The following IPO13 variants were observed in gnomAD, a reference collection of about 807,000 sequenced individuals.
IPO13 encodes importin-13.
A neutral mutation model predicts 115.5 loss-of-function variants in IPO13; 28 were observed. That is an observed-to-expected ratio of 0.24 (90% CI 0.18 to 0.33). The LOEUF is 0.33. Ranked by LOEUF, IPO13 falls within the 10% of genes least tolerant of loss-of-function variation. The pLI is 1.00. For synonymous variants in IPO13, 414 were observed against 478.9 expected, an observed-to-expected ratio of 0.86 and a Z score of 1.77; for missense variants, 785 against 1,204.6, an observed-to-expected ratio of 0.65 and a Z score of 5.16.
chr1:43,954,089 G>T (rs1355847246), intron 2 of IPO13, among the ~76,000 whole-genome samples: 1 of 152,228 alleles, frequency 6.6e-6, no homozygotes, highest in Non-Finnish European at 1.5e-5. Flanking sequence ...GCAGGTGGAG[G>T]AAGGAGTCTT....
Position 43,957,561 on chromosome 1 carries a change from C to A in IPO13, c.1540+12C>A. On this transcript the variant is annotated intron_variant, in intron 7 of 19. Transcript: ENST00000372343. ...CATGTTCACCATTGGTGAGACCTGGCACACACCCATGACCATATTCCCAGA... is the reference window on the plus strand; with the variant it reads ...CATGTTCACCATTGGTGAGACCTGGAACACACCCATGACCATATTCCCAGA... 6.2e-7 allele frequency: 1 copy of A among 1,613,726 alleles called. No individual in the cohort carries two copies. Among genetic ancestry groups the A allele is most frequent in the African/African-American group, 1.3e-5 (1 of 75,048 alleles).
intron 1 of IPO13, 141 bp from the exon 2 acceptor site, chr1:43,949,276 C>A: frequency 1.2e-6 from 1 of 829,540 alleles, no homozygotes; most frequent in Non-Finnish European, 1.8e-6. Flanking sequence ...CCAGGAAACA[C>A]TGCAGAGCGC....
chr1:43,964,347 G>A (rs1468119224), intron 15 of IPO13, 26 bp downstream of exon 15: 12 of 1,534,198 alleles, frequency 7.8e-6, no homozygotes, highest in Admixed American at 6.8e-5. Flanking sequence ...ATTCATTCAC[G>A]TTCTGTTCTC....
intron 2 of IPO13, among the ~76,000 whole-genome samples, chr1:43,950,851 A>G (rs1571762450): frequency 6.6e-6 from 1 of 152,322 alleles, no homozygotes; most frequent in South Asian, 2.1e-4. Flanking sequence ...TCTTAAGGCT[A>G]AGTTTGATCT....
Position 43,947,597 on chromosome 1 carries a change from A to G in IPO13, c.-4A>G. 1 of 1,310,368 alleles carries G rather than the reference A, an allele frequency of 7.6e-7. No homozygotes were observed. The allele number at this position is 1,310,368 out of a possible 1,614,324, so 81.2% of individuals were successfully genotyped here. A position where few individuals can be genotyped will look rare whatever the true frequency, so the allele number is the denominator to read the frequency against. The stretch of plus-strand genomic sequence containing the variant: ...CCCACCTCCCTGCCAGGGAGGGAGC[A>G]AAGATGGAGCGGCGGGAGGAGCAGC... On this transcript the variant is annotated 5_prime_UTR_variant, in exon 1 of 20. Coordinates refer to ENST00000372343, the MANE Select transcript of IPO13 (RefSeq NM_014652.4).
At chr1:43,954,438 G>A (rs2085230492) in intron 2 of IPO13, among the ~76,000 whole-genome samples, 1 of 152,136 alleles carries the variant, frequency 6.6e-6, no homozygotes. Context: ...AGGATATGAG[G>A]CTACTGCCTA....
chr1:43,965,300 A>T (rs1001540623), intron 15 of IPO13, among the ~76,000 whole-genome samples: 2 of 152,064 alleles, frequency 1.3e-5, no homozygotes, highest in African/African-American at 4.8e-5. Flanking sequence ...TCTTTGCTTA[A>T]TCATTCCACA....
Position 43,947,690 on chromosome 1 carries a change from AG to A in IPO13, c.84+9del. The A allele has an allele frequency of 9.9e-6, 13 of 1,306,606 alleles. No individual in the cohort carries two copies. Among genetic ancestry groups the A allele is most frequent in the Non-Finnish European group, 1.3e-5 (13 of 1,016,082 alleles). 80.9% of individuals were successfully genotyped at this position (1,306,606 alleles called of 1,614,324 possible). A position where few individuals can be genotyped will look rare whatever the true frequency, so the allele number is the denominator to read the frequency against. On this transcript the variant is annotated splice_region_variant and intron_variant, in intron 1 of 19. Coordinates refer to ENST00000372343, the MANE Select transcript of IPO13 (RefSeq NM_014652.4). The stretch of plus-strand genomic sequence containing the variant: ...CTGTGGAGAACGTGGAGAAGGTATG[AG>A]GGCTCTGGGGTGGGCACTCCAGTGA...
chr1:43,956,184 CT>C lies in IPO13; in HGVS notation c.822-135del, dbSNP rs144427727. ...GAACATCAAATCTGCCATGTAGACC[CT>C]GACCCTTTTTTTGCTTAGGATTTGA... On this transcript the variant is annotated intron_variant, in intron 2 of 19. Coordinates refer to ENST00000372343, the MANE Select transcript of IPO13 (RefSeq NM_014652.4). The surrounding 1 kb of genome is among the most constrained non-coding windows in gnomAD (Gnocchi z 4.7). The C allele has an allele frequency of 8.4e-3, 8,137 of 974,196 alleles. 416 individuals carry two copies. In the African/African-American group the frequency reaches 0.12, roughly 14 times the overall value. The allele number at this position is 974,196 out of a possible 1,614,324, so 60.3% of individuals were successfully genotyped here.
rs1034196916 is a variant in IPO13, at chr1:43,966,062, C to T, written c.2398-513C>T. 5.2e-6 allele frequency: 1 copy of T among 192,688 alleles called. No individual in the cohort carries two copies. Among genetic ancestry groups the T allele is most frequent in the Non-Finnish European group, 1.1e-5 (1 of 90,904 alleles). 11.9% of individuals were successfully genotyped at this position (192,688 alleles called of 1,614,324 possible). On this transcript the variant is annotated intron_variant, in intron 15 of 19. Transcript: ENST00000372343. This position sits in a 1 kb window ranked among gnomAD's most constrained non-coding sequence, Gnocchi z 4.1. Reference sequence around the variant, plus strand: ...TGGGGCTGAGGCTCCAAGGCTCCTGCTGTACTTTTCTTCTTTTTGAGCAGG... The same window carrying T: ...TGGGGCTGAGGCTCCAAGGCTCCTGTTGTACTTTTCTTCTTTTTGAGCAGG...
intron 1 of IPO13, among the ~76,000 whole-genome samples, chr1:43,948,192 C>T (rs1375133620): frequency 1.3e-5 from 2 of 152,230 alleles, no homozygotes; most frequent in Non-Finnish European, 2.9e-5. Context: ...GCAGGCAGGC[C>T]TGGGGCTGTC....
chr1:43,954,458 T>C (rs2085230640), intron 2 of IPO13, among the ~76,000 whole-genome samples: 1 of 152,182 alleles, frequency 6.6e-6, no homozygotes, highest in Non-Finnish European at 1.5e-5. Context: ...AGCAACCTGC[T>C]TGGGGCAAGT....
In IPO13 at chr1:43,967,540, C is replaced by A; in HGVS notation, c.2795+44C>A. The A allele has an allele frequency of 6.2e-7, 1 of 1,613,956 alleles. No homozygotes were observed. On this transcript the variant is annotated intron_variant, in intron 19 of 19. Coordinates refer to ENST00000372343, the MANE Select transcript of IPO13 (RefSeq NM_014652.4). This position sits in a 1 kb window ranked among gnomAD's most constrained non-coding sequence, Gnocchi z 6.1. ...GGCCTGGGGTCAGGCAGAGAGGGGG[C>A]AGTGGTGGTGGCTGGTGCTAACCTG...
Position 43,960,923 on chromosome 1 carries a change from C to G in IPO13, c.2157C>G (p.Asp719Glu), listed in dbSNP as rs1371428107. 6.2e-7 allele frequency: 1 copy of G among 1,614,224 alleles called. No homozygotes were observed. Among genetic ancestry groups the G allele is most frequent in the South Asian group, 1.1e-5 (1 of 91,090 alleles). The change falls in exon 13 of 20, where the codon GAC (aspartate) becomes GAG (glutamate). Residue 719 changes from aspartate to glutamate, a missense_variant. Physicochemically the swap from Asp to Glu is conservative, Grantham distance 45 (BLOSUM62 2). Around this residue, in one of 3 missense-constraint regions of IPO13, gnomAD observed 285 missense variants for 394.8 expected, o/e 0.72. Transcript: ENST00000372343. ...AGTCTGTTAAGACGCTGCTGGATGACTTTGCCCCCATGGTGCCACAGCTGT... is the reference window on the plus strand; with the variant it reads ...AGTCTGTTAAGACGCTGCTGGATGAGTTTGCCCCCATGGTGCCACAGCTGT... The part of the protein sequence containing the change: ...FEKSVKTLLD[D>E]FAPMVPQLCE...
At chr1:43,963,395 T>TA (rs1200362564) in intron 14 of IPO13, among the ~76,000 whole-genome samples, 1 of 152,218 alleles carries the variant, frequency 6.6e-6, no homozygotes, top group Admixed American at 6.5e-5. Context: ...CCATACCTGT[T>TA]ATGCCATCCC....
intron 15 of IPO13, among the ~76,000 whole-genome samples, chr1:43,964,527 A>G (rs1015636782): frequency 6.6e-6 from 1 of 152,066 alleles, no homozygotes; most frequent in East Asian, 1.9e-4. Context: ...TCAGTCTTCT[A>G]CAAAGACCAG....
At chr1:43,965,077 C>A (rs1438569645) in intron 15 of IPO13, among the ~76,000 whole-genome samples, 2 of 151,548 alleles carry the variant, frequency 1.3e-5, no homozygotes, top group East Asian at 3.9e-4. Context: ...AGAGCGTGGA[C>A]GTGTGTTGGA....
Position 43,966,476 on chromosome 1 carries a change from C to CCTG in IPO13, c.2398-98_2398-96dup. On this transcript the variant is annotated intron_variant, in intron 15 of 19. Coordinates refer to ENST00000372343, the MANE Select transcript of IPO13 (RefSeq NM_014652.4). The surrounding 1 kb of genome is among the most constrained non-coding windows in gnomAD (Gnocchi z 4.1). The stretch of plus-strand genomic sequence containing the variant: ...GGGTAGCTGGTTTTGGCAGCCTCTA[C>CCTG]CTGTGAGGTGTGAAGTTGGGGGCTG... 7.9e-7 allele frequency: 1 copy of CCTG among 1,266,816 alleles called. No homozygotes were observed. Among genetic ancestry groups the CCTG allele is most frequent in the South Asian group, 1.2e-5 (1 of 81,750 alleles). The allele number at this position is 1,266,816 out of a possible 1,614,324, so 78.5% of individuals were successfully genotyped here.
chr1:43,965,068 G>A (rs1218462878), intron 15 of IPO13, among the ~76,000 whole-genome samples: 1 of 152,046 alleles, frequency 6.6e-6, no homozygotes. Context: ...GATGGATTTA[G>A]AGCGTGGACG....
Sources: gnomAD v4.1 joint callset for allele counts (sites outside exome capture counted in the v4.1 genomes callset) on GRCh38, gnomAD v4.1.1 for gene constraint, gnomAD v4.1.1 regional missense constraint, Gnocchi (gnomAD v3.1) non-coding constraint, MANE v1.5 for transcripts, NCBI Gene and HGNC (gene_info 2026-07-23, HGNC 2026-07-21) for gene names.